Variants in KLF9 observed in about 807,000 individuals in gnomAD.
KLF9 encodes KLF transcription factor 9.
KLF9 carries 2 observed loss-of-function variants against 17.3 expected under a neutral mutation model. That is an observed-to-expected ratio of 0.12 (90% CI 0.05 to 0.36). KLF9 has a LOEUF of 0.36. Ranked by LOEUF, KLF9 falls within the 10% of genes least tolerant of loss-of-function variation. The probability of loss-of-function intolerance (pLI) is 1.00; values close to 1 mark genes in which losing one functional copy is unlikely to be tolerated. For missense variants in KLF9, 226 were observed against 333.2 expected (o/e 0.68, Z 2.51); for synonymous variants, 138 against 139.2 (o/e 0.99, Z 0.06).
At chr9:70,391,908 C>T (rs1564086088) in intron 1 of KLF9, among the ~76,000 whole-genome samples, 4 of 152,196 alleles carry the variant, frequency 2.6e-5, no homozygotes, top group Admixed American at 6.5e-5. Context: ...GTATTATCTA[C>T]AGCTGCATTC....
Position 70,384,702 on chromosome 9 carries a change from C to T in KLF9, c.*3074G>A, listed in dbSNP as rs1416230594. On this transcript the variant is annotated 3_prime_UTR_variant, in exon 2 of 2. Transcript: ENST00000377126. Reference sequence around the variant, plus strand: ...TATAATTTCATTTGATTTACAAAAACGGGACAGCAAAATAACTTAGGTCAC... The same window carrying T: ...TATAATTTCATTTGATTTACAAAAATGGGACAGCAAAATAACTTAGGTCAC... 1 of 152,512 alleles carries T rather than the reference C, an allele frequency of 6.6e-6. No homozygotes were observed. The highest frequency in any genetic ancestry group is 1.5e-5 in the Non-Finnish European group (1 of 68,008). 9.4% of individuals were successfully genotyped at this position (152,512 alleles called of 1,614,324 possible).
intron 1 of KLF9, among the ~76,000 whole-genome samples, chr9:70,407,469 G>GA (rs1272378486): frequency 4.6e-5 from 7 of 152,176 alleles, no homozygotes; most frequent in Non-Finnish European, 1.0e-4. Flanking sequence ...GATGTGAGAG[G>GA]AAAATCAAGG....
rs780862468 is a variant in KLF9 at position 70,387,942 on chromosome 9, A to T, written c.569T>A (p.Leu190Gln). The T allele has an allele frequency of 6.2e-7, 1 of 1,613,452 alleles. No individual in the cohort carries two copies. Among genetic ancestry groups the T allele is most frequent in the Non-Finnish European group, 8.5e-7 (1 of 1,179,834 alleles). ...CLKKFSRSDE[L>Q]TRHYRTHTGE... ...AGTGTGGGTCCGGTAGTGGCGGGTC[A>T]GCTCGTCTGAGCGGGAGAACTTTTT... is the stretch of plus-strand genomic sequence containing the variant. Residue 190 changes from leucine to glutamine, a missense_variant, in exon 2 of 2, where the codon CTG becomes CAG. Leu to Gln is a moderately radical substitution (Grantham distance 113). Coordinates refer to ENST00000377126, the MANE Select transcript of KLF9 (RefSeq NM_001206.4).
At chr9:70,390,662 C>G (rs1423163151) in intron 1 of KLF9, among the ~76,000 whole-genome samples, 1 of 151,822 alleles carries the variant, frequency 6.6e-6, no homozygotes, top group Non-Finnish European at 1.5e-5. Context: ...CACACACTCT[C>G]TCTCTCTCTC....
chr9:70,390,162 A>C (rs1049129313), intron 1 of KLF9, among the ~76,000 whole-genome samples: 2 of 152,266 alleles, frequency 1.3e-5, no homozygotes, highest in Non-Finnish European at 2.9e-5. Flanking sequence ...AGCAATAGTC[A>C]TAACAACACC....
intron 1 of KLF9, among the ~76,000 whole-genome samples, chr9:70,406,919 G>A (rs2037259926): frequency 6.6e-6 from 1 of 150,584 alleles, no homozygotes; most frequent in African/African-American, 2.4e-5. Context: ...AAAAGAACAC[G>A]GAAGATTTGG....
rs1025775201 is a variant in KLF9, at chr9:70,413,585, A to G, written c.-222T>C. On this transcript the variant is annotated 5_prime_UTR_variant, in exon 1 of 2. Coordinates refer to ENST00000377126, the MANE Select transcript of KLF9 (RefSeq NM_001206.4). This position sits in a 1 kb window ranked among gnomAD's most constrained non-coding sequence, Gnocchi z 5.6. ...GGCAGCGCCTCCGCACGCAGCATCC[A>G]CGGCCCCGGGCTCCGCCGCGCCGCC... 3.5e-5 allele frequency: 7 copies of G among 197,608 alleles called. No homozygotes were observed. Among genetic ancestry groups the G allele is most frequent in the Non-Finnish European group, 3.8e-5 (4 of 105,804 alleles). The allele number at this position is 197,608 out of a possible 1,614,324, so 12.2% of individuals were successfully genotyped here.
intron 1 of KLF9, among the ~76,000 whole-genome samples, chr9:70,403,753 C>T (rs1303991045): frequency 1.3e-5 from 2 of 152,044 alleles, no homozygotes; most frequent in Non-Finnish European, 2.9e-5. Context: ...GGGCCCACAA[C>T]CAGGTTATTT....
At position 70,413,006 on chromosome 9, in the gene KLF9, C is replaced by T; in HGVS notation, c.358G>A (p.Ala120Thr). Residue 120 changes from alanine to threonine, a missense_variant, in exon 1 of 2, where the codon GCG becomes ACG. By Grantham distance (58) the Ala-to-Thr change is moderately conservative. Coordinates refer to ENST00000377126, the MANE Select transcript of KLF9 (RefSeq NM_001206.4). This position sits in a 1 kb window ranked among gnomAD's most constrained non-coding sequence, Gnocchi z 5.6. The stretch of plus-strand genomic sequence containing the variant: ...TGGAGGAGGGAGAGCGGGCTGGGCG[C>T]GCTGCCAGGATCCTGTCTCTCCTCC... ...SPEERQDPGS[A>T]PSPLSLLHPG... 6.2e-7 allele frequency: 1 copy of T among 1,614,138 alleles called. No homozygotes were observed. The highest frequency in any genetic ancestry group is 8.5e-7 in the Non-Finnish European group (1 of 1,180,006).
In KLF9 at chr9:70,414,505, G is replaced by C. The variant is rs1020854069; in HGVS notation, c.-1142C>G. The C allele has an allele frequency of 1.3e-5, 2 of 152,212 alleles. No homozygotes were observed. The highest frequency in any genetic ancestry group is 2.9e-5 in the Non-Finnish European group (2 of 68,046). The allele number at this position is 152,212 out of a possible 1,614,324, so 9.4% of individuals were successfully genotyped here. ...ACTTGTAAACGCGAAGAGCTGTAGT[G>C]AAACTGGACACATCTTTGTATTTTG... On this transcript the variant is annotated 5_prime_UTR_variant, in exon 1 of 2. The change creates a premature stop within an existing upstream ORF in the 5' untranslated region. Coordinates refer to ENST00000377126, the MANE Select transcript of KLF9 (RefSeq NM_001206.4).
Position 70,386,168 on chromosome 9 carries a change from C to T in KLF9, c.*1608G>A, listed in dbSNP as rs1360498637. The T allele has an allele frequency of 1.3e-5, 2 of 152,434 alleles. No homozygotes were observed. The highest frequency in any genetic ancestry group is 2.9e-5 in the Non-Finnish European group (2 of 68,008). The allele number at this position is 152,434 out of a possible 1,614,324, so 9.4% of individuals were successfully genotyped here. A position where few individuals can be genotyped will look rare whatever the true frequency, so the allele number is the denominator to read the frequency against. On this transcript the variant is annotated 3_prime_UTR_variant, in exon 2 of 2. Coordinates refer to ENST00000377126, the MANE Select transcript of KLF9 (RefSeq NM_001206.4). ...ATAAAATCATCAGAAAGCGTTACTT[C>T]TGAAGAAAAAAAAAATGTAAACATT...
Position 70,412,884 on chromosome 9 carries a change from G to C in KLF9, c.480C>G (p.Leu160=), listed in dbSNP as rs757403816. 6.2e-6 allele frequency: 10 copies of C among 1,606,114 alleles called. No individual in the cohort carries two copies. In the East Asian group the frequency reaches 2.0e-4, roughly 32 times the overall value. The change falls in exon 1 of 2, where the codon CTC becomes CTG. Residue 160 remains leucine (L), a synonymous_variant. Transcript: ENST00000377126. ...CTGTATGCACTCTGTAATGGGCTTTGAGATGGGAGGATTTTCCATAGACTT... is the reference window on the plus strand; with the variant it reads ...CTGTATGCACTCTGTAATGGGCTTTCAGATGGGAGGATTTTCCATAGACTT... ...CGKVYGKSSH[L]KAHYRVHTGE...
At chr9:70,388,738 C>A (rs1389011794) in intron 1 of KLF9, among the ~76,000 whole-genome samples, 1 of 152,166 alleles carries the variant, frequency 6.6e-6, no homozygotes, top group Admixed American at 6.5e-5. Context: ...AGTGCAGGGG[C>A]CACTCAGCAT....
chr9:70,408,106 G>A (rs1399678161), intron 1 of KLF9, among the ~76,000 whole-genome samples: 1 of 152,150 alleles, frequency 6.6e-6, no homozygotes, highest in African/African-American at 2.4e-5. Context: ...AGGCGCAGTG[G>A]CTCACACCTG....
At position 70,384,825 on chromosome 9, in the gene KLF9, C is replaced by G. The variant is rs1171332460; in HGVS notation, c.*2951G>C. 1 of 152,534 alleles carries G rather than the reference C, an allele frequency of 6.6e-6. No homozygotes were observed. Among genetic ancestry groups the G allele is most frequent in the African/African-American group, 2.4e-5 (1 of 41,418 alleles). The allele number at this position is 152,534 out of a possible 1,614,324, so 9.4% of individuals were successfully genotyped here. On this transcript the variant is annotated 3_prime_UTR_variant, in exon 2 of 2. Transcript: ENST00000377126. ...ATGTGAAAGAACATCTCAATCTATC[C>G]GAGTGATGAGTACTGTGCTAAATCT...
chr9:70,390,806 GT>G (rs1487232361), intron 1 of KLF9, among the ~76,000 whole-genome samples: 9 of 152,078 alleles, frequency 5.9e-5, no homozygotes, highest in Non-Finnish European at 1.3e-4. Context: ...TGGGGGAAAT[GT>G]TTTTCTAAAC....
At chr9:70,402,828 T>C (rs2037231410) in intron 1 of KLF9, among the ~76,000 whole-genome samples, 1 of 152,136 alleles carries the variant, frequency 6.6e-6, no homozygotes, top group Non-Finnish European at 1.5e-5. Flanking sequence ...TCAAACTCTG[T>C]TCTTTGGAAA....
chr9:70,399,189 G>A (rs1442643239), intron 1 of KLF9, among the ~76,000 whole-genome samples: 1 of 152,172 alleles, frequency 6.6e-6, no homozygotes, highest in Non-Finnish European at 1.5e-5. Context: ...TAAAAATAGT[G>A]CAGAGGCAAA....
At chr9:70,405,863 C>T (rs1039742662) in intron 1 of KLF9, among the ~76,000 whole-genome samples, 9 of 152,104 alleles carry the variant, frequency 5.9e-5, no homozygotes, top group African/African-American at 1.9e-4. Flanking sequence ...TGGGATAAAA[C>T]AAATGTTTAC....
Sources: allele counts gnomAD v4.1 joint callset (sites outside exome capture counted in the v4.1 genomes callset), GRCh38; gene constraint gnomAD v4.1.1; non-coding constraint Gnocchi (gnomAD v3.1); transcripts MANE v1.5; gene names NCBI Gene and HGNC (gene_info 2026-07-23, HGNC 2026-07-21).